PLCL1: variants seen among roughly 807,000 people sequenced by gnomAD.
PLCL1 encodes the protein phospholipase C like 1 (inactive), also known as inactive phospholipase C-like protein 1.
A neutral mutation model predicts 84.4 loss-of-function variants in PLCL1; 41 were observed. That is an observed-to-expected ratio of 0.49 (90% CI 0.38 to 0.63). The LOEUF (loss-of-function observed/expected upper bound fraction) is 0.63. PLCL1 is among the 30% of genes least tolerant of loss of function. The pLI is 0.00. For synonymous variants in PLCL1, 490 were observed against 488.3 expected, an observed-to-expected ratio of 1.00 and a Z score of -0.05; for missense variants, 1,206 against 1,367.8, an observed-to-expected ratio of 0.88 and a Z score of 1.87.
intron 5 of PLCL1, among the ~76,000 whole-genome samples, chr2:198,135,130 G>A (rs964340024): frequency 2.6e-5 from 4 of 152,126 alleles, no homozygotes; most frequent in African/African-American, 9.7e-5. Flanking sequence ...TTTGAAATGG[G>A]AATAGCATGA....
intron 3 of PLCL1, among the ~76,000 whole-genome samples, chr2:198,091,971 C>G (rs1693054493): frequency 8.5e-6 from 1 of 117,456 alleles, no homozygotes; most frequent in Non-Finnish European, 1.8e-5. Context: ...TCTCCAGCCT[C>G]ACTGCCTCTC....
chr2:197,943,927 C>T (rs1197601529), intron 1 of PLCL1, among the ~76,000 whole-genome samples: 4 of 152,188 alleles, frequency 2.6e-5, no homozygotes, highest in African/African-American at 9.6e-5. Context: ...GCTTCCTGCC[C>T]CAGCATGCAC....
chr2:197,952,490 G>A (rs1325393097), intron 1 of PLCL1, among the ~76,000 whole-genome samples: 1 of 152,112 alleles, frequency 6.6e-6, no homozygotes, highest in African/African-American at 2.4e-5. Context: ...CAGCACCCAG[G>A]TGCCAGCAGT....
chr2:197,840,648 A>C (rs1240428309), intron 1 of PLCL1, among the ~76,000 whole-genome samples: 1 of 152,202 alleles, frequency 6.6e-6, no homozygotes, highest in Non-Finnish European at 1.5e-5. Context: ...CTTTAGAAAT[A>C]GGAGGAATAA....
At chr2:198,072,676 T>C (rs897309408) in intron 1 of PLCL1, among the ~76,000 whole-genome samples, 6 of 152,074 alleles carry the variant, frequency 3.9e-5, no homozygotes, top group African/African-American at 1.4e-4. Context: ...TTACTGAGTT[T>C]TGTTGTGAAT....
intron 1 of PLCL1, among the ~76,000 whole-genome samples, chr2:197,976,655 G>T: frequency 6.6e-6 from 1 of 152,108 alleles, no homozygotes; most frequent in Non-Finnish European, 1.5e-5. Context: ...CACCATGTTG[G>T]CTGGGCTAGT....
At chr2:197,999,024 C>T (rs1185157216) in intron 1 of PLCL1, among the ~76,000 whole-genome samples, 32 of 152,196 alleles carry the variant, frequency 2.1e-4, no homozygotes, top group Non-Finnish European at 1.5e-5. Flanking sequence ...AACCTCCCAA[C>T]AGGAGTTGTG....
At position 198,055,892 on chromosome 2, in the gene PLCL1, A is replaced by G. The variant is rs115416921; in HGVS notation, c.241-27866A>G. ...TCACATACACACAATGGAACCTGAC[A>G]TGCTGGCAGCCTCAGCTCATTACAG... On this transcript the variant is annotated intron_variant, in intron 1 of 5. Coordinates refer to ENST00000428675, the MANE Select transcript of PLCL1 (RefSeq NM_006226.4). 2.1e-3 allele frequency among the ~76,000 whole-genome samples: 314 copies of G among 152,336 alleles called. 2 individuals carry two copies. The highest frequency in any genetic ancestry group is 7.3e-3 in the African/African-American group (302 of 41,584).
intron 1 of PLCL1, among the ~76,000 whole-genome samples, chr2:198,006,566 G>A (rs369536173): frequency 5.9e-5 from 9 of 151,942 alleles, no homozygotes; most frequent in South Asian, 2.1e-4. Context: ...ATGTTTATTC[G>A]CAGTTTATTT....
chr2:197,864,941 A>G (rs1687501896), intron 1 of PLCL1, among the ~76,000 whole-genome samples: 1 of 152,078 alleles, frequency 6.6e-6, no homozygotes, highest in South Asian at 2.1e-4. Context: ...TACTAATTTC[A>G]CCTTGATCTA....
At chr2:197,908,908 T>A (rs1377041847) in intron 1 of PLCL1, among the ~76,000 whole-genome samples, 1 of 152,256 alleles carries the variant, frequency 6.6e-6, no homozygotes, top group Non-Finnish European at 1.5e-5. Flanking sequence ...AAGAATTAGC[T>A]CAACATGGTC....
chr2:198,108,960 T>C (rs1194758694), intron 5 of PLCL1, among the ~76,000 whole-genome samples: 1 of 151,898 alleles, frequency 6.6e-6, no homozygotes, highest in African/African-American at 2.4e-5. Flanking sequence ...GATAGGATGA[T>C]TCAGTCCTCA....
chr2:197,818,840 G>A (rs752863198), intron 1 of PLCL1, among the ~76,000 whole-genome samples: 72 of 152,230 alleles, frequency 4.7e-4, no homozygotes, highest in Middle Eastern at 3.4e-3. Flanking sequence ...TGTGGAGAAA[G>A]AGGACACTGT....
intron 3 of PLCL1, among the ~76,000 whole-genome samples, 194 bp downstream of exon 3, chr2:198,089,255 A>C (rs1385925223): frequency 1.3e-5 from 2 of 152,182 alleles, no homozygotes; most frequent in African/African-American, 4.8e-5. Flanking sequence ...AATGACTTGA[A>C]CCTGGAGCTG....
At chr2:198,117,778 G>A (rs1232406250) in intron 5 of PLCL1, among the ~76,000 whole-genome samples, 2 of 151,900 alleles carry the variant, frequency 1.3e-5, no homozygotes, top group Non-Finnish European at 1.5e-5. Flanking sequence ...ATCTGAGTAG[G>A]TGAGACTGAA....
intron 1 of PLCL1, among the ~76,000 whole-genome samples, chr2:198,045,511 A>G (rs1456332694): frequency 6.6e-6 from 1 of 152,208 alleles, no homozygotes; most frequent in Non-Finnish European, 1.5e-5. Context: ...TAACTGTGGA[A>G]ATATTTGATG....
intron 5 of PLCL1, among the ~76,000 whole-genome samples, chr2:198,132,919 A>G (rs949961514): frequency 5.3e-5 from 8 of 151,732 alleles, no homozygotes; most frequent in Non-Finnish European, 5.9e-5. Context: ...TATGTCCTGA[A>G]TGGTAATGCC....
chr2:198,029,108 G>T (rs1370796652), intron 1 of PLCL1, among the ~76,000 whole-genome samples: 1 of 152,150 alleles, frequency 6.6e-6, no homozygotes, highest in Non-Finnish European at 1.5e-5. Flanking sequence ...TTCAGCAGGT[G>T]TTCAAGAACT....
intron 2 of PLCL1, among the ~76,000 whole-genome samples, chr2:198,086,846 T>C (rs1692897087): frequency 1.3e-5 from 2 of 152,172 alleles, no homozygotes; most frequent in South Asian, 4.1e-4. Flanking sequence ...AAGTAGAATA[T>C]ACAATATATG....
Sources: gnomAD v4.1 joint callset for allele counts (sites outside exome capture counted in the v4.1 genomes callset) on GRCh38, gnomAD v4.1.1 for gene constraint, MANE v1.5 for transcripts, NCBI Gene and HGNC (gene_info 2026-07-23, HGNC 2026-07-21) for gene names.